RHO: variants seen among roughly 807,000 people sequenced by gnomAD.
RHO encodes rhodopsin.
A neutral mutation model predicts 31.2 loss-of-function variants in RHO; 21 were observed. The ratio of observed to expected loss-of-function variants is 0.67; its 90% CI spans 0.48 to 0.97. The LOEUF is 0.97. RHO is among the 50% of genes least tolerant of loss of function. The pLI, the probability that RHO is intolerant of heterozygous loss-of-function variation, is 0.00. For missense variants in RHO, 414 were observed against 479.5 expected (o/e 0.86, Z 1.28); for synonymous variants, 211 against 196.6 (o/e 1.07, Z -0.61).
chr3:129,532,743 C>A lies in RHO; in HGVS notation c.907C>A (p.Pro303Thr). The change falls in exon 4 of 5, where the codon CCT (proline) becomes ACT (threonine). Residue 303 changes from proline to threonine, a missense_variant. Physicochemically the swap from Pro to Thr is conservative, Grantham distance 38 (BLOSUM62 -1). Transcript: ENST00000296271. The surrounding 1 kb of genome is among the most constrained non-coding windows in gnomAD (Gnocchi z 5.5). ...TGCCAAGAGCGCCGCCATCTACAAC[C>A]CTGTCATCTATATCATGATGAACAA... Reference protein sequence around the residue: ...FFAKSAAIYNPVIYIMMNKQF... With the variant: ...FFAKSAAIYNTVIYIMMNKQF... 6.2e-7 allele frequency: 1 copy of A among 1,614,260 alleles called. No individual in the cohort carries two copies. The highest frequency in any genetic ancestry group is 1.1e-5 in the South Asian group (1 of 91,092).
In RHO at chr3:129,528,999, G is replaced by C. The variant is rs104893772; in HGVS notation, c.266G>C (p.Gly89Ala). ...GTGGCTGACCTCTTCATGGTCCTAGGTGGCTTCACCAGCACCCTCTACACC... is the reference window on the plus strand; with the variant it reads ...GTGGCTGACCTCTTCATGGTCCTAGCTGGCTTCACCAGCACCCTCTACACC... ...LAVADLFMVL[G>A]GFTSTLYTSL... Residue 89 changes from glycine (G) to alanine (A), a missense_variant, in exon 1 of 5, where the codon GGT (glycine) becomes GCT (alanine). Gly to Ala is a moderately conservative substitution (Grantham distance 60). Transcript: ENST00000296271. The C allele has an allele frequency of 6.2e-7, 1 of 1,614,074 alleles. No homozygotes were observed. Among genetic ancestry groups the C allele is most frequent in the Non-Finnish European group, 8.5e-7 (1 of 1,180,054 alleles).
chr3:129,532,906 T>C lies in RHO; in HGVS notation c.936+134T>C. 8.4e-7 allele frequency: 1 copy of C among 1,183,706 alleles called. No individual in the cohort carries two copies. Among genetic ancestry groups the C allele is most frequent in the Non-Finnish European group, 1.2e-6 (1 of 814,946 alleles). The allele number at this position is 1,183,706 out of a possible 1,614,324, so 73.3% of individuals were successfully genotyped here. On this transcript the variant is annotated intron_variant, in intron 4 of 4. Transcript: ENST00000296271. This position sits in a 1 kb window ranked among gnomAD's most constrained non-coding sequence, Gnocchi z 5.5. The stretch of plus-strand genomic sequence containing the variant: ...AGCAGTCTTGGGTCAGCAGTCCCAA[T>C]GGGGAGTGTGTGAGAAATGCAGATT...
chr3:129,530,533 A>ACACACACACAAC (rs1553781099), intron 1 of RHO, among the ~76,000 whole-genome samples: 13 of 122,898 alleles, frequency 1.1e-4, no homozygotes, highest in African/African-American at 4.5e-4. Context: ...ACACACACAC[A>ACACACACACAAC]ACACACACAC....
intron 4 of RHO, 28 bp from the exon 5 acceptor site, chr3:129,533,580 G>C (rs770432635): frequency 2.6e-6 from 4 of 1,544,980 alleles, no homozygotes; most frequent in Non-Finnish European, 3.6e-6. Flanking sequence ...GGCAGCCCTG[G>C]CCCTGACTCA....
chr3:129,533,533 C>T lies in RHO; in HGVS notation c.937-75C>T, dbSNP rs569161209. 7.4e-4 allele frequency: 815 copies of T among 1,102,750 alleles called. 13 individuals are homozygous for T. The Admixed American group carries it at 0.011, about 15-fold the overall frequency. The allele number at this position is 1,102,750 out of a possible 1,614,324, so 68.3% of individuals were successfully genotyped here. On this transcript the variant is annotated intron_variant, in intron 4 of 4. Coordinates refer to ENST00000296271, the MANE Select transcript of RHO (RefSeq NM_000539.3). Reference sequence around the variant, plus strand: ...GGCAGAAGCAGGCAAAGGGTCGGGGCGAACCTCACTAACGTGCCAGTTCCA... The same window carrying T: ...GGCAGAAGCAGGCAAAGGGTCGGGGTGAACCTCACTAACGTGCCAGTTCCA...
chr3:129,531,441 G>T (rs555790621), intron 2 of RHO, among the ~76,000 whole-genome samples: 9 of 152,276 alleles, frequency 5.9e-5, no homozygotes, highest in African/African-American at 1.9e-4. Context: ...CCTTGGAACT[G>T]GGTCCCACTC....
At chr3:129,531,169 C>T in intron 2 of RHO, 125 bp downstream of exon 2, 1 of 1,111,298 alleles carries the variant, frequency 9.0e-7, no homozygotes, top group Non-Finnish European at 1.3e-6. Context: ...CCCAAATGCC[C>T]ACTCAGGGTA....
chr3:129,529,143 G>C, intron 1 of RHO, 49 bp downstream of exon 1: 1 of 1,580,434 alleles, frequency 6.3e-7, no homozygotes, highest in Non-Finnish European at 8.6e-7. Context: ...GAGCATGGAG[G>C]GGTCTGGGAG....
At chr3:129,531,440 T>G (rs2084779529) in intron 2 of RHO, among the ~76,000 whole-genome samples, 1 of 152,200 alleles carries the variant, frequency 6.6e-6, no homozygotes, top group Admixed American at 6.5e-5. Flanking sequence ...CCCTTGGAAC[T>G]GGGTCCCACT....
Position 129,531,033 on chromosome 3 carries a change from C to T in RHO, c.519C>T (p.Ala173=), listed in dbSNP as rs149722668. 5.1e-4 allele frequency: 826 copies of T among 1,613,884 alleles called. 2 individuals are homozygous for T. The highest frequency in any genetic ancestry group is 4.5e-3 in the Middle Eastern group (27 of 6,054). The change falls in exon 2 of 5, where the codon GCC becomes GCT. Residue 173 remains alanine (A), a synonymous_variant. Transcript: ENST00000296271. ...MALACAAPPL[A]GWSRYIPEGL... ...TGGCCTGCGCCGCACCCCCACTCGC[C>T]GGCTGGTCCAGGTAATGGCACTGAG...
rs933191288 is a variant in RHO, at chr3:129,532,970, C to T, written c.936+198C>T. Among the ~76,000 whole-genome samples, 7 of 152,108 alleles carry T rather than the reference C, an allele frequency of 4.6e-5. No individual in the cohort carries two copies. The highest frequency in any genetic ancestry group is 7.3e-5 in the Non-Finnish European group (5 of 68,028). On this transcript the variant is annotated intron_variant, in intron 4 of 4. Coordinates refer to ENST00000296271, the MANE Select transcript of RHO (RefSeq NM_000539.3). This position sits in a 1 kb window ranked among gnomAD's most constrained non-coding sequence, Gnocchi z 5.5. Reference sequence around the variant, plus strand: ...AGAACTGCTGAATCTCAGGGTGGGCCCAGGAACCTGCATTTCCAGCAAGCC... The same window carrying T: ...AGAACTGCTGAATCTCAGGGTGGGCTCAGGAACCTGCATTTCCAGCAAGCC...
rs1310373565 is a variant in RHO at position 129,531,054 on chromosome 3, C to T, written c.530+10C>T. On this transcript the variant is annotated intron_variant, in intron 2 of 4. Transcript: ENST00000296271. Reference sequence around the variant, plus strand: ...TCGCCGGCTGGTCCAGGTAATGGCACTGAGCAGAAGGGAAGAAGCTCCGGG... The same window carrying T: ...TCGCCGGCTGGTCCAGGTAATGGCATTGAGCAGAAGGGAAGAAGCTCCGGG... 6.2e-7 allele frequency: 1 copy of T among 1,612,780 alleles called. No individual in the cohort carries two copies. Among genetic ancestry groups the T allele is most frequent in the Non-Finnish European group, 8.5e-7 (1 of 1,180,022 alleles).
At position 129,532,778 on chromosome 3, in the gene RHO, T is replaced by C. The variant is rs763223221; in HGVS notation, c.936+6T>C. ...ATATCATGATGAACAAGCAGGTGCC[T>C]ACTGCGGGTGGGAGGGCCCCAGTGC... On this transcript the variant is annotated splice_donor_region_variant and intron_variant, in intron 4 of 4. Transcript: ENST00000296271. This position sits in a 1 kb window ranked among gnomAD's most constrained non-coding sequence, Gnocchi z 5.5. The C allele has an allele frequency of 6.2e-7, 1 of 1,614,010 alleles. No homozygotes were observed. The highest frequency in any genetic ancestry group is 8.5e-7 in the Non-Finnish European group (1 of 1,180,026).
chr3:129,532,868 C>A lies in RHO; in HGVS notation c.936+96C>A. On this transcript the variant is annotated intron_variant, in intron 4 of 4. Coordinates refer to ENST00000296271, the MANE Select transcript of RHO (RefSeq NM_000539.3). The surrounding 1 kb of genome is among the most constrained non-coding windows in gnomAD (Gnocchi z 5.5). ...CCCAGGGCAGGGGAGGGGGCTCCAT[C>A]AGGGTTACTGGCAGCAGTCTTGGGT... The A allele has an allele frequency of 6.5e-7, 1 of 1,530,894 alleles. No homozygotes were observed. Among genetic ancestry groups the A allele is most frequent in the South Asian group, 1.1e-5 (1 of 89,012 alleles). The allele number at this position is 1,530,894 out of a possible 1,614,324, so 94.8% of individuals were successfully genotyped here.
At chr3:129,530,516 C>T (rs2084770589) in intron 1 of RHO, among the ~76,000 whole-genome samples, 1 of 129,998 alleles carries the variant, frequency 7.7e-6, no homozygotes, top group Admixed American at 7.3e-5. Flanking sequence ...AACACACACA[C>T]ACACACACAC....
Position 129,532,076 on chromosome 3 carries a change from G to T in RHO, c.531-175G>T, listed in dbSNP as rs751561815. The stretch of plus-strand genomic sequence containing the variant: ...AATGAAGCGACACTGATTCCACAAG[G>T]TGCATCTGCATCCCCATCTGATCCA... On this transcript the variant is annotated intron_variant, in intron 2 of 4. Coordinates refer to ENST00000296271, the MANE Select transcript of RHO (RefSeq NM_000539.3). This position sits in a 1 kb window ranked among gnomAD's most constrained non-coding sequence, Gnocchi z 5.5. 6.6e-6 allele frequency among the ~76,000 whole-genome samples: 1 copy of T among 152,144 alleles called. No individual in the cohort carries two copies. Among genetic ancestry groups the T allele is most frequent in the African/African-American group, 2.4e-5 (1 of 41,418 alleles).
Position 129,532,090 on chromosome 3 carries a change from C to G in RHO, c.531-161C>G, listed in dbSNP as rs1396357078. 6.6e-6 allele frequency among the ~76,000 whole-genome samples: 1 copy of G among 152,182 alleles called. No homozygotes were observed. The highest frequency in any genetic ancestry group is 6.5e-5 in the Admixed American group (1 of 15,288). On this transcript the variant is annotated intron_variant, in intron 2 of 4. Transcript: ENST00000296271. This position sits in a 1 kb window ranked among gnomAD's most constrained non-coding sequence, Gnocchi z 5.5. ...GATTCCACAAGGTGCATCTGCATCC[C>G]CATCTGATCCATTCCATCCTGTCAC...
At chr3:129,529,393 C>T (rs1038560594) in intron 1 of RHO, among the ~76,000 whole-genome samples, 5 of 152,246 alleles carry the variant, frequency 3.3e-5, no homozygotes, top group African/African-American at 4.8e-5. Flanking sequence ...CCTGCTGGGG[C>T]GTCACACAGG....
At chr3:129,529,886 G>A (rs2084765515) in intron 1 of RHO, among the ~76,000 whole-genome samples, 1 of 152,162 alleles carries the variant, frequency 6.6e-6, no homozygotes, top group Non-Finnish European at 1.5e-5. Context: ...ATGTGGCCAG[G>A]CAGCAACAAG....
Sources: gnomAD v4.1 joint callset for allele counts (sites outside exome capture counted in the v4.1 genomes callset) on GRCh38, gnomAD v4.1.1 for gene constraint, Gnocchi (gnomAD v3.1) non-coding constraint, MANE v1.5 for transcripts, NCBI Gene and HGNC (gene_info 2026-07-23, HGNC 2026-07-21) for gene names.